NRG1: variants seen among roughly 807,000 people sequenced by gnomAD.
NRG1 encodes the protein neuregulin 1.
Under a neutral mutation model 63.8 loss-of-function variants are expected in NRG1, and 18 were observed. The observed-to-expected ratio is 0.28, with a 90% confidence interval of 0.19 to 0.42. The LOEUF (loss-of-function observed/expected upper bound fraction) is 0.42, where lower values mean the gene tolerates loss of function less well. NRG1 is among the 10% of genes least tolerant of loss of function. The pLI is 1.00. For synonymous variants in NRG1, 302 were observed against 301.3 expected (o/e 1.00, Z -0.02); for missense variants, 762 against 814.7 (o/e 0.94, Z 0.79).
At chr8:32,212,565 T>C (rs1432331994) in intron 1 of NRG1, among the ~76,000 whole-genome samples, 1 of 152,146 alleles carries the variant, frequency 6.6e-6, no homozygotes, top group East Asian at 1.9e-4. Context: ...TATAGTATTT[T>C]CCATGAGCTT....
At chr8:31,982,143 C>T (rs1169060807) in intron 1 of NRG1, among the ~76,000 whole-genome samples, 1 of 151,914 alleles carries the variant, frequency 6.6e-6, no homozygotes, top group East Asian at 2.0e-4. Context: ...ACCTCATAGG[C>T]TCTGATTAAG....
At chr8:32,064,351 T>C (rs939860150) in intron 1 of NRG1, among the ~76,000 whole-genome samples, 2 of 152,134 alleles carry the variant, frequency 1.3e-5, no homozygotes, top group Admixed American at 6.6e-5. Flanking sequence ...CTACTTCCAG[T>C]GTCCTGAGTT....
chr8:32,457,826 T>C (rs1034732776), intron 1 of NRG1, among the ~76,000 whole-genome samples: 3 of 152,178 alleles, frequency 2.0e-5, no homozygotes, highest in African/African-American at 7.2e-5. Context: ...TGCATACATA[T>C]ACATGCTTAT....
chr8:32,011,495 T>C (rs750793573), intron 1 of NRG1, among the ~76,000 whole-genome samples: 1 of 152,152 alleles, frequency 6.6e-6, no homozygotes, highest in Non-Finnish European at 1.5e-5. Context: ...ATCCCTTTTG[T>C]CAGACACTGG....
intron 1 of NRG1, among the ~76,000 whole-genome samples, chr8:32,004,583 A>G (rs1328638093): frequency 6.6e-6 from 1 of 151,904 alleles, no homozygotes; most frequent in Non-Finnish European, 1.5e-5. Context: ...TACTGTTTAA[A>G]AAATTAAAGT....
chr8:32,559,331 C>G (rs1275342856), intron 1 of NRG1, among the ~76,000 whole-genome samples: 2 of 147,060 alleles, frequency 1.4e-5, no homozygotes, highest in Non-Finnish European at 3.0e-5. Flanking sequence ...TTGAAAACTC[C>G]CTTGACAAAT....
intron 1 of NRG1, among the ~76,000 whole-genome samples, chr8:32,453,581 G>A (rs1323729674): frequency 6.6e-6 from 1 of 152,208 alleles, no homozygotes; most frequent in East Asian, 1.9e-4. Flanking sequence ...TTATAGGAAA[G>A]AGTGAACTAT....
chr8:31,991,507 C>T (rs951908311), intron 1 of NRG1, among the ~76,000 whole-genome samples: 2 of 151,890 alleles, frequency 1.3e-5, no homozygotes, highest in Non-Finnish European at 2.9e-5. Flanking sequence ...AGATGTTATC[C>T]TAATCTTCAC....
At chr8:32,687,764 G>T (rs947779808) in intron 5 of NRG1, among the ~76,000 whole-genome samples, 10 of 152,236 alleles carry the variant, frequency 6.6e-5, no homozygotes, top group African/African-American at 2.4e-4. Context: ...GCAGCTCAGA[G>T]ATATGTAAGA....
At chr8:31,807,330 GGTTTTT>G (rs1451726313) in intron 1 of NRG1, among the ~76,000 whole-genome samples, 1 of 152,074 alleles carries the variant, frequency 6.6e-6, no homozygotes, top group Non-Finnish European at 1.5e-5. Flanking sequence ...CAGTAGTGAT[GGTTTTT>G]GTTTTTAAGT....
intron 1 of NRG1, among the ~76,000 whole-genome samples, chr8:31,760,588 C>A (rs1457034714): frequency 6.6e-6 from 1 of 152,042 alleles, no homozygotes; most frequent in Non-Finnish European, 1.5e-5. Context: ...CTACAATGAA[C>A]TCAAACAAAT....
intron 1 of NRG1, among the ~76,000 whole-genome samples, chr8:31,787,178 A>T (rs533950077): frequency 1.3e-5 from 2 of 152,370 alleles, no homozygotes; most frequent in African/African-American, 4.8e-5. Context: ...TTCAGTAGTA[A>T]GAAAAATACT....
At chr8:32,608,113 T>G (rs61588183) in intron 3 of NRG1, among the ~76,000 whole-genome samples, 10,798 of 146,362 alleles carry the variant, frequency 0.074, 1,161 homozygotes, top group East Asian at 0.51. Flanking sequence ...TTTTGTTTTT[T>G]TTTTTTTTTG....
chr8:32,557,653 T>C, intron 1 of NRG1, among the ~76,000 whole-genome samples: 1 of 152,158 alleles, frequency 6.6e-6, no homozygotes, highest in South Asian at 2.1e-4. Context: ...TAGATTATGA[T>C]TATAATTTTT....
chr8:32,635,624 G>C (rs1851199654), intron 5 of NRG1, among the ~76,000 whole-genome samples: 1 of 152,030 alleles, frequency 6.6e-6, no homozygotes, highest in Admixed American at 6.6e-5. Context: ...AAAACCACCT[G>C]TCTCTGGGAG....
intron 1 of NRG1, among the ~76,000 whole-genome samples, chr8:31,874,743 C>G (rs559744146): frequency 9.2e-5 from 14 of 151,880 alleles, no homozygotes; most frequent in African/African-American, 3.4e-4. Flanking sequence ...CCCACCTTCC[C>G]CCACCCCAAC....
chr8:32,402,173 G>A (rs774166845), intron 1 of NRG1, among the ~76,000 whole-genome samples: 6 of 152,088 alleles, frequency 3.9e-5, no homozygotes, highest in South Asian at 2.1e-4. Flanking sequence ...TCGGCCTCCC[G>A]AAGTGCTGGG....
intron 6 of NRG1, among the ~76,000 whole-genome samples, chr8:32,737,557 TAA>T (rs113862311): frequency 6.9e-6 from 1 of 145,814 alleles, no homozygotes; most frequent in East Asian, 2.0e-4. Context: ...TCTCAAAAAA[TAA>T]AAAAAAAATT....
chr8:31,939,252 A>G (rs1325664535), intron 1 of NRG1, among the ~76,000 whole-genome samples: 1 of 152,190 alleles, frequency 6.6e-6, no homozygotes, highest in Non-Finnish European at 1.5e-5. Context: ...TTGGGGTCCT[A>G]TTCTTAGCCT....
Sources: gnomAD v4.1 joint callset for allele counts (sites outside exome capture counted in the v4.1 genomes callset) on GRCh38, gnomAD v4.1.1 for gene constraint, MANE v1.5 for transcripts, NCBI Gene and HGNC (gene_info 2026-07-23, HGNC 2026-07-21) for gene names.